Variants in CSMD3 observed in about 807,000 individuals in gnomAD.
The protein encoded by CSMD3 is CUB and Sushi multiple domains 3.
A neutral mutation model predicts 435.2 loss-of-function variants in CSMD3; 177 were observed. The observed-to-expected ratio is 0.41, with a 90% CI of 0.36 to 0.46. The LOEUF is 0.46. Ranked by LOEUF, CSMD3 falls within the 20% of genes least tolerant of loss-of-function variation. The probability of loss-of-function intolerance (pLI) is 0.34; values close to 1 mark genes in which losing one functional copy is unlikely to be tolerated. For synonymous variants in CSMD3, 1,656 were observed against 1,520.5 expected, an observed-to-expected ratio of 1.09 and a Z score of -2.07; for missense variants, 4,265 against 4,504.6, an observed-to-expected ratio of 0.95 and a Z score of 1.52.
chr8:112,985,991 G>T (rs1349770570), intron 6 of CSMD3, among the ~76,000 whole-genome samples: 20 of 152,132 alleles, frequency 1.3e-4, no homozygotes, highest in Admixed American at 1.3e-3. Flanking sequence ...CCGATCTGTG[G>T]AAAAACTGTC....
chr8:112,351,712 A>T (rs574957009), intron 39 of CSMD3, among the ~76,000 whole-genome samples: 1 of 151,930 alleles, frequency 6.6e-6, no homozygotes, highest in Admixed American at 6.6e-5. Context: ...ATCTGTTTGC[A>T]CTTCTGAGAT....
chr8:112,645,771 G>A (rs1317742662), intron 19 of CSMD3, among the ~76,000 whole-genome samples: 1 of 151,914 alleles, frequency 6.6e-6, no homozygotes, highest in African/African-American at 2.4e-5. Flanking sequence ...AACTATCTGA[G>A]GTCAAAAAAT....
intron 3 of CSMD3, among the ~76,000 whole-genome samples, chr8:113,206,510 T>A (rs1458651952): frequency 6.6e-6 from 1 of 152,144 alleles, no homozygotes; most frequent in East Asian, 1.9e-4. Flanking sequence ...TCTCGATGAT[T>A]CCTTAATTGG....
intron 30 of CSMD3, among the ~76,000 whole-genome samples, chr8:112,501,390 T>C (rs1256256607): frequency 7.3e-6 from 1 of 137,500 alleles, no homozygotes; most frequent in Non-Finnish European, 1.5e-5. Context: ...AGATTCCATC[T>C]CAAGGAAAAA....
intron 32 of CSMD3, 59 bp downstream of exon 32, chr8:112,472,532 T>A (rs1321519297): frequency 1.1e-6 from 1 of 889,504 alleles, no homozygotes; most frequent in Non-Finnish European, 1.9e-6. Context: ...GAATAGCATG[T>A]AGTGAAAAAT....
chr8:112,947,380 G>A (rs2083647846), intron 9 of CSMD3, among the ~76,000 whole-genome samples: 1 of 151,598 alleles, frequency 6.6e-6, no homozygotes, highest in South Asian at 2.1e-4. Context: ...AGGTTTTACA[G>A]GAATTGCCTC....
chr8:112,653,487 A>G (rs183686513), intron 18 of CSMD3, among the ~76,000 whole-genome samples: 189 of 152,206 alleles, frequency 1.2e-3, no homozygotes, highest in African/African-American at 4.5e-3. Context: ...AATTTGTATA[A>G]TATTTAGATA....
At chr8:113,088,338 G>C (rs2089877170) in intron 5 of CSMD3, among the ~76,000 whole-genome samples, 1 of 151,162 alleles carries the variant, frequency 6.6e-6, no homozygotes, top group Non-Finnish European at 1.5e-5. Context: ...AATACCATTT[G>C]ACCCAGCCAT....
chr8:113,227,061 C>A (rs2093036581), intron 3 of CSMD3, among the ~76,000 whole-genome samples: 1 of 151,470 alleles, frequency 6.6e-6, no homozygotes, highest in Non-Finnish European at 1.5e-5. Context: ...TTAAAATAAG[C>A]AAAAGGACTT....
Position 112,685,416 on chromosome 8 carries a change from G to C in CSMD3, c.2472C>G (p.Ile824Met), listed in dbSNP as rs2075988998. 6 of 1,613,072 alleles carry C rather than the reference G, an allele frequency of 3.7e-6. No homozygotes were observed. The highest frequency in any genetic ancestry group is 5.1e-6 in the Non-Finnish European group (6 of 1,179,202). Residue 824 changes from isoleucine (I) to methionine (M), a missense_variant, in exon 15 of 71, where the codon ATC becomes ATG. Physicochemically the swap from Ile to Met is conservative, Grantham distance 10 (BLOSUM62 1). Transcript: ENST00000297405. Reference sequence around the variant, plus strand: ...GAAACAGAAACTTACTGTTGTAAGTGATGTTAAAGCCACGTCCTGACATTG... The same window carrying C: ...GAAACAGAAACTTACTGTTGTAAGTCATGTTAAAGCCACGTCCTGACATTG... ...DHSMSGRGFN[I>M]TYNTFGHNEC... is the part of the protein sequence containing the mutation.
At position 113,376,701 on chromosome 8, in the gene CSMD3, G is replaced by A. The variant is rs755773739; in HGVS notation, c.178+59976C>T. 15 of 1,613,356 alleles carry A rather than the reference G, an allele frequency of 9.3e-6. No homozygotes were observed. In the Admixed American group the frequency reaches 2.0e-4, roughly 22 times the overall value. On this transcript the variant is annotated intron_variant, in intron 1 of 70. Transcript: ENST00000297405. ...TTGACACCCGCCACAAGGACCGAAAGGTTCGGCGCAAGGAGCCTAAGAGCC... is the reference window on the plus strand; with the variant it reads ...TTGACACCCGCCACAAGGACCGAAAAGTTCGGCGCAAGGAGCCTAAGAGCC...
intron 3 of CSMD3, among the ~76,000 whole-genome samples, chr8:113,249,734 A>G (rs1285274145): frequency 2.6e-5 from 4 of 151,728 alleles, no homozygotes; most frequent in African/African-American, 9.7e-5. Flanking sequence ...TTGTTACATT[A>G]TTTTCCTGTA....
intron 5 of CSMD3, among the ~76,000 whole-genome samples, chr8:113,086,204 G>C (rs1338014524): frequency 1.3e-5 from 2 of 150,320 alleles, no homozygotes; most frequent in South Asian, 4.2e-4. Context: ...AGCCGAGATC[G>C]CGCCACTGCA....
In CSMD3 at chr8:112,295,897, A is replaced by G. The variant is rs1488839719; in HGVS notation, c.8550T>C (p.Ile2850=). ...GTTGACATATCCTCACTGAAGAACC[A>G]ATCAATCGAAAACCAGGATTACATT... ...VYQCNPGFRL[I]GSSVRICQQD... Residue 2850 remains isoleucine (I), a synonymous_variant, in exon 54 of 71, where the codon ATT becomes ATC. Coordinates refer to ENST00000297405, the MANE Select transcript of CSMD3 (RefSeq NM_198123.2). 1.2e-6 allele frequency: 2 copies of G among 1,613,860 alleles called. No homozygotes were observed. Among genetic ancestry groups the G allele is most frequent in the South Asian group, 1.1e-5 (1 of 91,078 alleles).
At position 112,259,441 on chromosome 8, in the gene CSMD3, G is replaced by C. The variant is rs145047204; in HGVS notation, c.9863-4014C>G. Among the ~76,000 whole-genome samples, 48 of 152,158 alleles carry C rather than the reference G, an allele frequency of 3.2e-4. 2 individuals are homozygous for C. The East Asian group carries it at 8.9e-3, about 28-fold the overall frequency. ...AACATCACACACTGGGGCCTGTCAG[G>C]GGGTGAGGGTCTAGGGGAGGCACAG... On this transcript the variant is annotated intron_variant, in intron 61 of 70. Transcript: ENST00000297405.
intron 7 of CSMD3, among the ~76,000 whole-genome samples, chr8:112,955,757 A>AT (rs1404257366): frequency 1.3e-5 from 2 of 151,868 alleles, no homozygotes; most frequent in Non-Finnish European, 2.9e-5. Flanking sequence ...ATCTTTACAT[A>AT]TTACTTTTTA....
rs1563912774 is a variant in CSMD3, at chr8:112,410,602, G to GTGTATATATATATA, written c.5396-1571_5396-1570insTATATATATATACA. ...TATACATACATATGTATATATATATGTGTATATATATATGTATATATATGT... is the reference window on the plus strand; with the variant it reads ...TATACATACATATGTATATATATATGTGTATATATATATATGTATATATATATGTATATATATGT... On this transcript the variant is annotated intron_variant, in intron 32 of 70. Transcript: ENST00000297405. Among the ~76,000 whole-genome samples, 69 of 80,526 alleles carry GTGTATATATATATA rather than the reference G, an allele frequency of 8.6e-4. 7 individuals are homozygous for GTGTATATATATATA. The highest frequency in any genetic ancestry group is 3.2e-3 in the African/African-American group (68 of 21,250). 52.8% of individuals were successfully genotyped at this position (80,526 alleles called of 152,430 possible).
intron 49 of CSMD3, 105 bp downstream of exon 49, chr8:112,313,801 C>G: frequency 1.2e-6 from 1 of 864,838 alleles, no homozygotes; most frequent in East Asian, 2.5e-5. Flanking sequence ...AATGGAGGAG[C>G]TGTGATTTGA....
intron 5 of CSMD3, among the ~76,000 whole-genome samples, chr8:113,019,942 T>A (rs1429320100): frequency 6.6e-6 from 1 of 151,600 alleles, no homozygotes; most frequent in Non-Finnish European, 1.5e-5. Context: ...GGCGGGTGGA[T>A]CATGAGGTCA....
Sources: allele counts gnomAD v4.1 joint callset (sites outside exome capture counted in the v4.1 genomes callset), GRCh38; gene constraint gnomAD v4.1.1; transcripts MANE v1.5; gene names NCBI Gene and HGNC (gene_info 2026-07-23, HGNC 2026-07-21).